GRIK3: variants seen among roughly 807,000 people sequenced by gnomAD.
The protein encoded by GRIK3 is glutamate receptor ionotropic, kainate 3.
In GRIK3, 29 loss-of-function variants were observed where a neutral mutation model predicts 102.5. That is an observed-to-expected ratio of 0.28 (90% confidence interval 0.21 to 0.39). The LOEUF is 0.39. GRIK3 is among the 10% of genes least tolerant of loss of function. The pLI is 1.00. For synonymous variants in GRIK3, 511 were observed against 504.9 expected (o/e 1.01, Z -0.16); for missense variants, 908 against 1,252.4 (o/e 0.73, Z 4.15).
At chr1:36,983,745 T>C (rs1467056710) in intron 1 of GRIK3, among the ~76,000 whole-genome samples, 1 of 152,190 alleles carries the variant, frequency 6.6e-6, no homozygotes, top group Non-Finnish European at 1.5e-5. Flanking sequence ...AGTTCCCCTG[T>C]TATACGGTCT....
At chr1:36,916,476 T>C (rs917472553) in intron 1 of GRIK3, among the ~76,000 whole-genome samples, 2 of 151,930 alleles carry the variant, frequency 1.3e-5, no homozygotes, top group Non-Finnish European at 2.9e-5. Flanking sequence ...ATATCAGAGG[T>C]CTTCATGGCA....
rs1430601206 is a variant in GRIK3 at position 37,022,085 on chromosome 1, C to T, written c.115+11909G>A. On this transcript the variant is annotated intron_variant, in intron 1 of 15. Coordinates refer to ENST00000373091, the MANE Select transcript of GRIK3 (RefSeq NM_000831.4). ...TGCATATATTCCCAGGGCTAAATGG[C>T]CTCCGTTGACTGTCTATACAGCCTG... Among the ~76,000 whole-genome samples the T allele has an allele frequency of 2.6e-5, 4 of 152,318 alleles. No homozygotes were observed. The East Asian group carries it at 7.7e-4, about 29-fold the overall frequency.
At chr1:37,024,385 A>G (rs1642745764) in intron 1 of GRIK3, among the ~76,000 whole-genome samples, 1 of 152,044 alleles carries the variant, frequency 6.6e-6, no homozygotes, top group African/African-American at 2.4e-5. Context: ...GCTGTGTTCT[A>G]AGCACTTCAT....
chr1:36,921,479 C>T (rs888289976), intron 1 of GRIK3, among the ~76,000 whole-genome samples: 4 of 152,188 alleles, frequency 2.6e-5, no homozygotes, highest in East Asian at 1.9e-4. Context: ...AACGATATCT[C>T]GATTCACAGG....
At chr1:37,029,280 G>C (rs1201446909) in intron 1 of GRIK3, among the ~76,000 whole-genome samples, 2 of 152,260 alleles carry the variant, frequency 1.3e-5, no homozygotes, top group African/African-American at 4.8e-5. Context: ...GGACAAGCGA[G>C]TGCCTGCTGG....
chr1:36,922,304 A>G (rs1446816181), intron 1 of GRIK3, among the ~76,000 whole-genome samples: 1 of 152,168 alleles, frequency 6.6e-6, no homozygotes, highest in Non-Finnish European at 1.5e-5. Flanking sequence ...GAAAGCCACA[A>G]TGTAGGGGAG....
At chr1:36,937,276 C>A (rs1641669845) in intron 1 of GRIK3, among the ~76,000 whole-genome samples, 1 of 152,112 alleles carries the variant, frequency 6.6e-6, no homozygotes, top group East Asian at 1.9e-4. Context: ...CTCGAGTGAA[C>A]AACAAGCCCG....
chr1:36,892,390 C>A (rs555143099), intron 1 of GRIK3, among the ~76,000 whole-genome samples: 1 of 152,042 alleles, frequency 6.6e-6, no homozygotes, highest in Non-Finnish European at 1.5e-5. Context: ...AATCCCAACA[C>A]TTCCAGAGGC....
intron 11 of GRIK3, among the ~76,000 whole-genome samples, chr1:36,823,255 T>C (rs693215): frequency 0.2 from 30,784 of 151,792 alleles, 3,882 homozygotes; most frequent in African/African-American, 0.36. Context: ...GGGTGGATCA[T>C]GAGGTCAGGA....
chr1:36,815,580 A>G (rs1395826111), intron 13 of GRIK3, among the ~76,000 whole-genome samples: 4 of 152,218 alleles, frequency 2.6e-5, no homozygotes, highest in Non-Finnish European at 4.4e-5. Context: ...GCAGCCACAG[A>G]GTTCCTAAAT....
intron 1 of GRIK3, among the ~76,000 whole-genome samples, chr1:37,032,095 T>C (rs1021914937): frequency 6.6e-6 from 1 of 152,254 alleles, no homozygotes; most frequent in African/African-American, 2.4e-5. Flanking sequence ...TCTGCCATCC[T>C]TTAATTTCAT....
intron 2 of GRIK3, among the ~76,000 whole-genome samples, chr1:36,887,205 GCTAA>G (rs1477955262): frequency 3.3e-5 from 5 of 152,232 alleles, no homozygotes; most frequent in African/African-American, 1.2e-4. Context: ...AGATCACAGA[GCTAA>G]CTATGAAAGA....
intron 13 of GRIK3, among the ~76,000 whole-genome samples, chr1:36,809,832 G>C (rs1483998855): frequency 6.6e-6 from 1 of 152,226 alleles, no homozygotes; most frequent in Non-Finnish European, 1.5e-5. Flanking sequence ...ACACCAGAGA[G>C]CTTGGGCCAG....
intron 5 of GRIK3, among the ~76,000 whole-genome samples, chr1:36,861,862 A>AG (rs1640730672): frequency 6.6e-6 from 1 of 151,746 alleles, no homozygotes; most frequent in Admixed American, 6.6e-5. Context: ...GTGACAGAGG[A>AG]GGGAGGGGCT....
At chr1:36,923,673 T>A (rs1354866172) in intron 1 of GRIK3, among the ~76,000 whole-genome samples, 1 of 152,192 alleles carries the variant, frequency 6.6e-6, no homozygotes, top group African/African-American at 2.4e-5. Flanking sequence ...CCGTGCTCTC[T>A]CCCAACTCCT....
intron 10 of GRIK3, among the ~76,000 whole-genome samples, chr1:36,841,250 T>G (rs1307010402): frequency 6.6e-6 from 1 of 152,128 alleles, no homozygotes; most frequent in Non-Finnish European, 1.5e-5. Context: ...CAGGCCCTGC[T>G]CATCCCTTCT....
intron 1 of GRIK3, among the ~76,000 whole-genome samples, chr1:36,947,641 A>G (rs1433931080): frequency 6.6e-6 from 1 of 152,072 alleles, no homozygotes; most frequent in Non-Finnish European, 1.5e-5. Flanking sequence ...AAGATGTGGA[A>G]AGAGCTCACC....
chr1:36,953,630 T>C (rs71640708), intron 1 of GRIK3, among the ~76,000 whole-genome samples: 2,261 of 151,960 alleles, frequency 0.015, 31 homozygotes, highest in Middle Eastern at 0.024. Flanking sequence ...AATGGGGCCA[T>C]GGACCAGGCA....
intron 1 of GRIK3, among the ~76,000 whole-genome samples, chr1:36,982,986 C>T (rs72653512): frequency 7.9e-5 from 12 of 152,138 alleles, no homozygotes; most frequent in South Asian, 2.1e-4. Flanking sequence ...GAGCCCTGGC[C>T]GAGCCCAGCC....
Sources: allele counts gnomAD v4.1 joint callset (sites outside exome capture counted in the v4.1 genomes callset), GRCh38; gene constraint gnomAD v4.1.1; transcripts MANE v1.5; gene names NCBI Gene and HGNC (gene_info 2026-07-23, HGNC 2026-07-21).